CSMD1: variants seen among roughly 807,000 people sequenced by gnomAD.
The protein encoded by CSMD1 is CUB and sushi domain-containing protein 1.
A neutral mutation model predicts 417.5 loss-of-function variants in CSMD1; 213 were observed. That is an observed-to-expected ratio of 0.51 (90% CI 0.46 to 0.57). The LOEUF (loss-of-function observed/expected upper bound fraction) is 0.57. Ranked by LOEUF, CSMD1 falls within the 20% of genes least tolerant of loss-of-function variation. The probability of loss-of-function intolerance (pLI) is 0.00; values close to 1 mark genes in which losing one functional copy is unlikely to be tolerated. For missense variants in CSMD1, 6,923 were observed against 4,529.7 expected (o/e 1.53, Z -15.17); for synonymous variants, 2,862 against 1,736.8 (o/e 1.65, Z -16.11).
At chr8:3,512,825 T>G (rs1025454916) in intron 10 of CSMD1, among the ~76,000 whole-genome samples, 2 of 151,980 alleles carry the variant, frequency 1.3e-5, no homozygotes, top group African/African-American at 2.4e-5. Context: ...AGGATGGTCT[T>G]GATCTCTTCA....
chr8:4,561,785 G>C (rs1222399814), intron 2 of CSMD1, among the ~76,000 whole-genome samples: 1 of 152,168 alleles, frequency 6.6e-6, no homozygotes. Flanking sequence ...TCTCTCATTT[G>C]ACTTGATGAG....
intron 10 of CSMD1, among the ~76,000 whole-genome samples, chr8:3,534,104 G>C (rs1029978387): frequency 2.0e-5 from 3 of 152,092 alleles, no homozygotes; most frequent in Non-Finnish European, 2.9e-5. Context: ...GAGGCTATGA[G>C]AGCCCATATT....
At chr8:3,769,137 T>G (rs1798443413) in intron 5 of CSMD1, among the ~76,000 whole-genome samples, 1 of 152,178 alleles carries the variant, frequency 6.6e-6, no homozygotes, top group African/African-American at 2.4e-5. Context: ...ACAGTTAAAT[T>G]GATTAAAAGA....
chr8:3,443,895 T>C (rs183948527), intron 12 of CSMD1, among the ~76,000 whole-genome samples: 34 of 152,308 alleles, frequency 2.2e-4, no homozygotes, highest in African/African-American at 6.3e-4. Context: ...TGTTGTAAGA[T>C]ACAGCAACTG....
At chr8:3,853,917 GTAT>G (rs1804103065) in intron 5 of CSMD1, among the ~76,000 whole-genome samples, 1 of 144,326 alleles carries the variant, frequency 6.9e-6, no homozygotes, top group South Asian at 2.1e-4. Context: ...ATACATTAAA[GTAT>G]AATATATTAA....
intron 12 of CSMD1, among the ~76,000 whole-genome samples, chr8:3,441,112 A>G (rs936628143): frequency 2.6e-5 from 4 of 152,178 alleles, no homozygotes; most frequent in African/African-American, 7.2e-5. Context: ...AGACAGAGGT[A>G]GGAGTTCCAG....
chr8:4,359,249 T>A (rs1046235902), intron 3 of CSMD1, among the ~76,000 whole-genome samples: 1 of 152,202 alleles, frequency 6.6e-6, no homozygotes, highest in African/African-American at 2.4e-5. Context: ...CTGAGATTAC[T>A]TCACTCTTCA....
At chr8:4,608,105 G>C (rs867818989) in intron 2 of CSMD1, among the ~76,000 whole-genome samples, 1 of 152,188 alleles carries the variant, frequency 6.6e-6, no homozygotes, top group Non-Finnish European at 1.5e-5. Context: ...CAACAACAAG[G>C]TGACCAGTGT....
chr8:4,404,598 A>T (rs1481287344), intron 3 of CSMD1, among the ~76,000 whole-genome samples: 1 of 152,202 alleles, frequency 6.6e-6, no homozygotes, highest in Non-Finnish European at 1.5e-5. Flanking sequence ...AGTAATGGCA[A>T]AAATGGCAAT....
At chr8:4,994,230 G>A (rs1196264288) in intron 1 of CSMD1, 102 bp downstream of exon 1, 1 of 992,476 alleles carries the variant, frequency 1.0e-6, no homozygotes. Flanking sequence ...GGGCAGAGGC[G>A]GCCACTCCGT....
chr8:3,301,289 A>G (rs1804384088), intron 25 of CSMD1, among the ~76,000 whole-genome samples: 1 of 152,104 alleles, frequency 6.6e-6, no homozygotes, highest in South Asian at 2.1e-4. Flanking sequence ...AGGAGGGTCT[A>G]CCCAGCGAAG....
chr8:4,431,229 T>TA (rs895545784), intron 2 of CSMD1, among the ~76,000 whole-genome samples: 5 of 152,054 alleles, frequency 3.3e-5, no homozygotes, highest in Admixed American at 6.6e-5. Context: ...TCAACAACAT[T>TA]AAAAAAATAG....
At chr8:4,888,219 T>G (rs1254907111) in intron 1 of CSMD1, among the ~76,000 whole-genome samples, 1 of 151,738 alleles carries the variant, frequency 6.6e-6, no homozygotes, top group East Asian at 1.9e-4. Context: ...AAAGAAAAAA[T>G]AGAAAGAAAA....
chr8:4,333,404 T>TC (rs1799986821), intron 3 of CSMD1, among the ~76,000 whole-genome samples: 1 of 152,060 alleles, frequency 6.6e-6, no homozygotes, highest in Non-Finnish European at 1.5e-5. Context: ...TGAATTTCTG[T>TC]CTCCTCAACT....
chr8:4,143,522 A>T (rs927083941), intron 3 of CSMD1, among the ~76,000 whole-genome samples: 1 of 150,960 alleles, frequency 6.6e-6, no homozygotes, highest in Non-Finnish European at 1.5e-5. Flanking sequence ...AGTTGATATT[A>T]AGTTTATATC....
At chr8:4,537,310 G>T (rs892751338) in intron 2 of CSMD1, among the ~76,000 whole-genome samples, 1 of 152,132 alleles carries the variant, frequency 6.6e-6, no homozygotes, top group Admixed American at 6.5e-5. Flanking sequence ...TATAAATGCT[G>T]TTAAAGATGC....
At chr8:4,489,247 G>A (rs753411962) in intron 2 of CSMD1, among the ~76,000 whole-genome samples, 26 of 152,122 alleles carry the variant, frequency 1.7e-4, no homozygotes, top group Non-Finnish European at 3.2e-4. Context: ...TACTTAAGGT[G>A]CCCTCCTTTT....
chr8:3,900,163 C>G lies in CSMD1; in HGVS notation c.818+97740G>C, dbSNP rs116555780. On this transcript the variant is annotated intron_variant, in intron 5 of 69. Transcript: ENST00000635120. ...GTGACAGTGCAGCTAGATGACACCA[C>G]AGCTGGGTGACAGTGTAGCTGGGTA... is the stretch of plus-strand genomic sequence containing the variant. Among the ~76,000 whole-genome samples, 239 of 151,532 alleles carry G rather than the reference C, an allele frequency of 1.6e-3. 1 individual carries two copies. Among genetic ancestry groups the G allele is most frequent in the African/African-American group, 5.4e-3 (224 of 41,296 alleles).
intron 51 of CSMD1, among the ~76,000 whole-genome samples, chr8:3,021,140 T>C (rs534609398): frequency 3.9e-5 from 6 of 152,314 alleles, no homozygotes; most frequent in Non-Finnish European, 7.3e-5. Flanking sequence ...TCGCCTTCAA[T>C]GGTAGAGAAG....
Sources: gnomAD v4.1 joint callset for allele counts (sites outside exome capture counted in the v4.1 genomes callset) on GRCh38, gnomAD v4.1.1 for gene constraint, MANE v1.5 for transcripts, NCBI Gene and HGNC (gene_info 2026-07-23, HGNC 2026-07-21) for gene names.